Variants in KIRREL3 observed in about 807,000 individuals in gnomAD.
KIRREL3 encodes the protein kin of IRRE-like protein 3.
In KIRREL3, 36 loss-of-function variants were observed where a neutral mutation model predicts 89.7. The observed-to-expected ratio is 0.40, with a 90% CI of 0.31 to 0.53. KIRREL3 has a LOEUF of 0.53. Ranked by LOEUF, KIRREL3 falls within the 20% of genes least tolerant of loss-of-function variation. The probability of loss-of-function intolerance (pLI) is 0.49; values close to 1 mark genes in which losing one functional copy is unlikely to be tolerated. For synonymous variants in KIRREL3, 445 were observed against 441.4 expected, an observed-to-expected ratio of 1.01 and a Z score of -0.10; for missense variants, 864 against 1,056.6, an observed-to-expected ratio of 0.82 and a Z score of 2.53.
intron 1 of KIRREL3, among the ~76,000 whole-genome samples, chr11:126,673,505 G>T (rs1210694615): frequency 6.6e-6 from 1 of 152,230 alleles, no homozygotes; most frequent in African/African-American, 2.4e-5. Context: ...GACCCAAGGG[G>T]AAGGAGGAAG....
At position 126,656,815 on chromosome 11, in the gene KIRREL3, G is replaced by T. The variant is rs567438222; in HGVS notation, c.56-93903C>A. On this transcript the variant is annotated intron_variant, in intron 1 of 16. Transcript: ENST00000525144. The surrounding 1 kb of genome is among the most constrained non-coding windows in gnomAD (Gnocchi z 4.0). ...GCCTGTGGTCCCAGCACTTTGGGAGGCCAAGGTGTGTGCATCGCTTGGGGC... is the reference window on the plus strand; with the variant it reads ...GCCTGTGGTCCCAGCACTTTGGGAGTCCAAGGTGTGTGCATCGCTTGGGGC... Among the ~76,000 whole-genome samples the T allele has an allele frequency of 5.3e-5, 8 of 152,182 alleles. No homozygotes were observed. Among genetic ancestry groups the T allele is most frequent in the Non-Finnish European group, 1.0e-4 (7 of 68,028 alleles).
At chr11:126,437,881 A>C (rs550693618) in intron 11 of KIRREL3, among the ~76,000 whole-genome samples, 1 of 152,084 alleles carries the variant, frequency 6.6e-6, no homozygotes, top group Non-Finnish European at 1.5e-5. Flanking sequence ...TACACACACT[A>C]TGACATACAC....
rs1392057663 is a variant in KIRREL3 at position 126,729,299 on chromosome 11, T to A, written c.56-166387A>T. On this transcript the variant is annotated intron_variant, in intron 1 of 16. Coordinates refer to ENST00000525144, the MANE Select transcript of KIRREL3 (RefSeq NM_032531.4). The surrounding 1 kb of genome is among the most constrained non-coding windows in gnomAD (Gnocchi z 4.5). ...GGCTTAACAACAAATCTAATTCTTT[T>A]AGGGAAAAGAGGTAGTGCATGGATA... Among the ~76,000 whole-genome samples, 1 of 152,164 alleles carries A rather than the reference T, an allele frequency of 6.6e-6. No homozygotes were observed. Among genetic ancestry groups the A allele is most frequent in the African/African-American group, 2.4e-5 (1 of 41,440 alleles).
In KIRREL3 at chr11:126,752,213, G is replaced by T. The variant is rs1299399558; in HGVS notation, c.56-189301C>A. Among the ~76,000 whole-genome samples the T allele has an allele frequency of 6.6e-6, 1 of 152,084 alleles. No homozygotes were observed. The highest frequency in any genetic ancestry group is 2.1e-4 in the South Asian group (1 of 4,820). Reference sequence around the variant, plus strand: ...AGGCTCAGCGTGGGTTGGTTGGGGGGGTTTCTTGAAGCATTGTAGCTCCCA... The same window carrying T: ...AGGCTCAGCGTGGGTTGGTTGGGGGTGTTTCTTGAAGCATTGTAGCTCCCA... On this transcript the variant is annotated intron_variant, in intron 1 of 16. Transcript: ENST00000525144. The surrounding 1 kb of genome is among the most constrained non-coding windows in gnomAD (Gnocchi z 4.8).
Position 126,535,474 on chromosome 11 carries a change from C to T in KIRREL3, c.134-8787G>A, listed in dbSNP as rs1385196898. Among the ~76,000 whole-genome samples, 1 of 152,136 alleles carries T rather than the reference C, an allele frequency of 6.6e-6. No individual in the cohort carries two copies. The highest frequency in any genetic ancestry group is 2.1e-4 in the South Asian group (1 of 4,828). ...GTTGCCCCTCAATCCCTAATTATTT[C>T]CTGAGGGGGAAGAGTCATTTTGCCA... On this transcript the variant is annotated intron_variant, in intron 2 of 16. Coordinates refer to ENST00000525144, the MANE Select transcript of KIRREL3 (RefSeq NM_032531.4). The surrounding 1 kb of genome is among the most constrained non-coding windows in gnomAD (Gnocchi z 4.5).
chr11:126,833,030 C>T (rs979522727), intron 1 of KIRREL3, among the ~76,000 whole-genome samples: 8 of 152,254 alleles, frequency 5.3e-5, no homozygotes, highest in Middle Eastern at 3.4e-3. Flanking sequence ...GGAATGTGTC[C>T]GTGTGCGGCT....
At chr11:126,479,572 C>T (rs1957167352) in intron 4 of KIRREL3, among the ~76,000 whole-genome samples, 2 of 152,212 alleles carry the variant, frequency 1.3e-5, no homozygotes, top group African/African-American at 4.8e-5. Context: ...AATTCACATA[C>T]ATTTTCAAGC....
At chr11:126,921,889 T>G (rs1386211168) in intron 1 of KIRREL3, among the ~76,000 whole-genome samples, 1 of 151,694 alleles carries the variant, frequency 6.6e-6, no homozygotes, top group East Asian at 1.9e-4. Flanking sequence ...CTATCATCTA[T>G]CTCCCTATCT....
chr11:126,497,740 T>C (rs1271624004), intron 4 of KIRREL3, among the ~76,000 whole-genome samples: 1 of 152,334 alleles, frequency 6.6e-6, no homozygotes, highest in East Asian at 1.9e-4. Flanking sequence ...CCAGTGCACA[T>C]GGATGCATGC....
At chr11:126,829,524 C>T (rs542211835) in intron 1 of KIRREL3, among the ~76,000 whole-genome samples, 1 of 152,166 alleles carries the variant, frequency 6.6e-6, no homozygotes, top group South Asian at 2.1e-4. Flanking sequence ...GGTCTTGTGC[C>T]CCAAACTACC....
intron 1 of KIRREL3, among the ~76,000 whole-genome samples, chr11:126,962,477 CA>C (rs1198150223): frequency 6.6e-6 from 1 of 152,128 alleles, no homozygotes; most frequent in Non-Finnish European, 1.5e-5. Flanking sequence ...CGAATTGCTG[CA>C]ATCTTGTAAG....
In KIRREL3 at chr11:126,427,222, C is replaced by T. The variant is rs888163756; in HGVS notation, c.1807-1498G>A. Among the ~76,000 whole-genome samples, 10 of 152,186 alleles carry T rather than the reference C, an allele frequency of 6.6e-5. No homozygotes were observed. The highest frequency in any genetic ancestry group is 1.2e-4 in the Non-Finnish European group (8 of 68,034). ...ACATCTAGGCTGTGGTTTCCTCCCT[C>T]GTAAAACTAAACACTCCACTGTGTT... is the stretch of plus-strand genomic sequence containing the variant. On this transcript the variant is annotated intron_variant, in intron 15 of 16. Coordinates refer to ENST00000525144, the MANE Select transcript of KIRREL3 (RefSeq NM_032531.4). The surrounding 1 kb of genome is among the most constrained non-coding windows in gnomAD (Gnocchi z 5.3).
In KIRREL3 at chr11:126,792,923, G is replaced by A. The variant is rs144125326; in HGVS notation, c.55+207532C>T. ...AACAGTGGTTACTTGTGGGGATGGA[G>A]AAGGATGACACAGGAGTGGGGTGGG... On this transcript the variant is annotated intron_variant, in intron 1 of 16. Transcript: ENST00000525144. Among the ~76,000 whole-genome samples the A allele has an allele frequency of 5.1e-3, 771 of 152,320 alleles. 10 individuals carry two copies. Among genetic ancestry groups the A allele is most frequent in the African/African-American group, 0.018 (736 of 41,578 alleles).
chr11:126,922,568 G>A (rs1167501120), intron 1 of KIRREL3, among the ~76,000 whole-genome samples: 1 of 151,830 alleles, frequency 6.6e-6, no homozygotes, highest in East Asian at 1.9e-4. Context: ...ATCCTCCACT[G>A]GCTCTGCAGA....
intron 10 of KIRREL3, among the ~76,000 whole-genome samples, chr11:126,444,292 A>T (rs1591541985): frequency 6.6e-6 from 1 of 152,336 alleles, no homozygotes; most frequent in East Asian, 1.9e-4. Context: ...TGGGTGACTC[A>T]CACGCATTGG....
At chr11:126,855,144 G>C (rs1195830077) in intron 1 of KIRREL3, among the ~76,000 whole-genome samples, 1 of 152,178 alleles carries the variant, frequency 6.6e-6, no homozygotes, top group African/African-American at 2.4e-5. Context: ...AGCCCCTCCT[G>C]CAACCTTATT....
chr11:126,644,195 C>T (rs574698), intron 1 of KIRREL3, among the ~76,000 whole-genome samples: 1 of 152,104 alleles, frequency 6.6e-6, no homozygotes, highest in Non-Finnish European at 1.5e-5. Flanking sequence ...GTATAGTGGG[C>T]TATGAGAACT....
chr11:126,790,922 C>T (rs1194710329), intron 1 of KIRREL3, among the ~76,000 whole-genome samples: 1 of 152,076 alleles, frequency 6.6e-6, no homozygotes, highest in Non-Finnish European at 1.5e-5. Flanking sequence ...AAGAACAATG[C>T]CTATTGTGCT....
rs1463331977 is a variant in KIRREL3, at chr11:126,635,581, C to G, written c.56-72669G>C. ...ATGCTGGGTTCCCATTGTACACCCCCAGCAACGAGCCCCCCTGCCAGCCCA... is the reference window on the plus strand; with the variant it reads ...ATGCTGGGTTCCCATTGTACACCCCGAGCAACGAGCCCCCCTGCCAGCCCA... On this transcript the variant is annotated intron_variant, in intron 1 of 16. Coordinates refer to ENST00000525144, the MANE Select transcript of KIRREL3 (RefSeq NM_032531.4). This position sits in a 1 kb window ranked among gnomAD's most constrained non-coding sequence, Gnocchi z 4.0. Among the ~76,000 whole-genome samples the G allele has an allele frequency of 1.3e-5, 2 of 152,090 alleles. No individual in the cohort carries two copies. Among genetic ancestry groups the G allele is most frequent in the African/African-American group, 4.8e-5 (2 of 41,418 alleles).
Sources: allele counts gnomAD v4.1 joint callset (sites outside exome capture counted in the v4.1 genomes callset), GRCh38; gene constraint gnomAD v4.1.1; non-coding constraint Gnocchi (gnomAD v3.1); transcripts MANE v1.5; gene names NCBI Gene and HGNC (gene_info 2026-07-23, HGNC 2026-07-21).